Variants in ERICH3 observed in about 807,000 individuals in gnomAD.
ERICH3 encodes the protein glutamate-rich protein 3.
A neutral mutation model predicts 131.1 loss-of-function variants in ERICH3; 126 were observed. The observed-to-expected ratio is 0.96, with a 90% confidence interval of 0.83 to 1.11. The LOEUF is 1.11. Among genes scored for constraint, ERICH3 ranks in the 50% most tolerant of loss-of-function variants. The pLI, the probability that ERICH3 is intolerant of heterozygous loss-of-function variation, is 0.00. For synonymous variants in ERICH3, 695 were observed against 644.6 expected, an observed-to-expected ratio of 1.08 and a Z score of -1.18; for missense variants, 2,050 against 1,810.7, an observed-to-expected ratio of 1.13 and a Z score of -2.40.
chr1:74,671,844 T>C (rs1395624028), intron 1 of ERICH3, among the ~76,000 whole-genome samples: 1 of 152,254 alleles, frequency 6.6e-6, no homozygotes. Flanking sequence ...TATTTTGTTC[T>C]GAACACTGTC....
intron 1 of ERICH3, among the ~76,000 whole-genome samples, chr1:74,662,231 C>T (rs1179242888): frequency 2.6e-5 from 4 of 152,162 alleles, no homozygotes; most frequent in Admixed American, 1.3e-4. Context: ...TCTCAATATT[C>T]GTCTTCACAC....
intron 12 of ERICH3, chr1:74,578,169 A>G (rs901511668): frequency 6.6e-6 from 1 of 152,608 alleles, no homozygotes; most frequent in African/African-American, 2.4e-5. Flanking sequence ...TCTGTCTGTC[A>G]AAAAGAGTTA....
intron 5 of ERICH3, among the ~76,000 whole-genome samples, chr1:74,637,889 C>CA (rs760313493): frequency 6.6e-6 from 1 of 151,384 alleles, no homozygotes; most frequent in Non-Finnish European, 1.5e-5. Context: ...TCAGCCTGGG[C>CA]CACAGAGTGG....
intron 1 of ERICH3, among the ~76,000 whole-genome samples, chr1:74,669,318 T>G (rs1213212700): frequency 1.3e-5 from 2 of 152,162 alleles, no homozygotes; most frequent in Admixed American, 1.3e-4. Context: ...ATTTTTTTTC[T>G]TGTCATGAGC....
chr1:74,652,521 T>C (rs1300683799), intron 1 of ERICH3, among the ~76,000 whole-genome samples: 1 of 151,922 alleles, frequency 6.6e-6, no homozygotes, highest in Admixed American at 6.6e-5. Flanking sequence ...CGTTCAGTGC[T>C]ACTTACTCCC....
At chr1:74,660,663 C>A (rs1011271975) in intron 1 of ERICH3, among the ~76,000 whole-genome samples, 1 of 146,640 alleles carries the variant, frequency 6.8e-6, no homozygotes, top group African/African-American at 2.5e-5. Flanking sequence ...TATGTGTATA[C>A]AAGTGTATAT....
chr1:74,673,937 C>A (rs1372109369), upstream of ERICH3, among the ~76,000 whole-genome samples: 1 of 152,186 alleles, frequency 6.6e-6, no homozygotes, highest in East Asian at 1.9e-4. Flanking sequence ...AACACAAACA[C>A]ACTCGTGCAC....
At chr1:74,654,353 T>C (rs928129447) in intron 1 of ERICH3, among the ~76,000 whole-genome samples, 6 of 150,094 alleles carry the variant, frequency 4.0e-5, no homozygotes, top group Admixed American at 3.9e-4. Context: ...CTGTAGGATA[T>C]GTGTATATAT....
rs1648034830 is a variant in ERICH3, at chr1:74,599,761, C to A, written c.1660G>T (p.Ala554Ser). Residue 554 changes from alanine to serine, a missense_variant, in exon 11 of 15, where the codon GCC (alanine) becomes TCC (serine). Physicochemically the swap from Ala to Ser is moderately conservative, Grantham distance 99. Coordinates refer to ENST00000326665, the MANE Select transcript of ERICH3 (RefSeq NM_001002912.5). ...TTCTCATCTTTCACATTGTCACGGG[C>A]ATCTGGTGCCTTCTGTGATGAGGTT... ...SETSSQKAPD[A>S]RDNVKDENDG... 1 of 1,612,302 alleles carries A rather than the reference C, an allele frequency of 6.2e-7. No homozygotes were observed. The highest frequency in any genetic ancestry group is 8.5e-7 in the Non-Finnish European group (1 of 1,179,000).
intron 1 of ERICH3, among the ~76,000 whole-genome samples, chr1:74,664,015 T>C (rs1212578778): frequency 6.6e-6 from 1 of 152,070 alleles, no homozygotes; most frequent in Non-Finnish European, 1.5e-5. Flanking sequence ...GTTTGCAATT[T>C]ACATGGGAGA....
intron 1 of ERICH3, among the ~76,000 whole-genome samples, chr1:74,669,942 A>G (rs1462282142): frequency 6.6e-6 from 1 of 152,208 alleles, no homozygotes; most frequent in African/African-American, 2.4e-5. Flanking sequence ...AACAAGTACA[A>G]ACTGCTTCAG....
At chr1:74,650,552 A>G (rs1646523746) in intron 1 of ERICH3, among the ~76,000 whole-genome samples, 3 of 152,010 alleles carry the variant, frequency 2.0e-5, no homozygotes, top group South Asian at 2.1e-4. Flanking sequence ...ACCAAATCCT[A>G]TGTATACTAG....
At position 74,636,428 on chromosome 1, in the gene ERICH3, C is replaced by G. The variant is rs373298204; in HGVS notation, c.455G>C (p.Arg152Pro). Residue 152 changes from arginine (R) to proline (P), a missense_variant, in exon 6 of 15, where the codon CGA becomes CCA. Coordinates refer to ENST00000326665, the MANE Select transcript of ERICH3 (RefSeq NM_001002912.5). The part of the protein sequence containing the change: ...HSSPLALTAP[R>P]PYTAPGNMQP... Reference sequence around the variant, plus strand: ...CATATTTCCTGGAGCAGTATATGGTCGAGGGGCTGTCTAGACAATTAGGGG... The same window carrying G: ...CATATTTCCTGGAGCAGTATATGGTGGAGGGGCTGTCTAGACAATTAGGGG... 2 of 1,605,978 alleles carry G rather than the reference C, an allele frequency of 1.2e-6. No individual in the cohort carries two copies. Among genetic ancestry groups the G allele is most frequent in the Non-Finnish European group, 1.7e-6 (2 of 1,175,670 alleles).
chr1:74,589,873 T>G lies in ERICH3; in HGVS notation c.1934A>C (p.Glu645Ala), dbSNP rs1472888326. The change falls in exon 12 of 15, where the codon GAA (glutamate) becomes GCA (alanine). Residue 645 changes from glutamate to alanine, a missense_variant. Transcript: ENST00000326665. Reference protein sequence around the residue: ...PIEESLEIEIEDQEITKADVE... With the variant: ...PIEESLEIEIADQEITKADVE... ...ATCTGCTTTTGTTATTTCTTGGTCT[T>G]CAATTTCAATTTCTAAGGATTCCTC... The G allele has an allele frequency of 1.2e-6, 2 of 1,613,994 alleles. No individual in the cohort carries two copies. Among genetic ancestry groups the G allele is most frequent in the South Asian group, 1.1e-5 (1 of 91,092 alleles).
chr1:74,664,012 A>G (rs1646666365), intron 1 of ERICH3, among the ~76,000 whole-genome samples: 1 of 152,238 alleles, frequency 6.6e-6, no homozygotes, highest in South Asian at 2.1e-4. Context: ...GGAGTTTGCA[A>G]TTTACATGGG....
At chr1:74,595,276 C>A (rs1280972362) in intron 11 of ERICH3, among the ~76,000 whole-genome samples, 1 of 151,994 alleles carries the variant, frequency 6.6e-6, no homozygotes, top group Non-Finnish European at 1.5e-5. Context: ...GCTTTATACT[C>A]AATAAATGTT....
At position 74,571,996 on chromosome 1, in the gene ERICH3, G is replaced by A. The variant is rs1646958271; in HGVS notation, c.3714C>T (p.Gly1238=). ...QAPEGLIPAT[G]QAEELAAKDH... is the part of the protein sequence containing the mutation. The stretch of plus-strand genomic sequence containing the variant: ...CTTTGGCTGCTAGCTCCTCTGCCTG[G>A]CCTGTGGCTGGGATCAGCCCCTCAG... The change falls in exon 14 of 15, where the codon GGC becomes GGT. Residue 1238 remains glycine, a synonymous_variant. Transcript: ENST00000326665. 11 of 1,613,986 alleles carry A rather than the reference G, an allele frequency of 6.8e-6. No individual in the cohort carries two copies. The East Asian group carries it at 2.2e-4, about 33-fold the overall frequency.
At chr1:74,570,937 C>T (rs988186926) in intron 14 of ERICH3, among the ~76,000 whole-genome samples, 162 bp downstream of exon 14, 6 of 152,078 alleles carry the variant, frequency 3.9e-5, no homozygotes, top group Non-Finnish European at 8.8e-5. Flanking sequence ...TCCGTCTTTC[C>T]CAGCCCCTTT....
chr1:74,592,525 A>G (rs920644444), intron 11 of ERICH3, among the ~76,000 whole-genome samples: 7 of 152,174 alleles, frequency 4.6e-5, no homozygotes, highest in African/African-American at 1.7e-4. Flanking sequence ...TATATCTACC[A>G]TCTGAATATG....
Sources: allele counts gnomAD v4.1 joint callset (sites outside exome capture counted in the v4.1 genomes callset), GRCh38; gene constraint gnomAD v4.1.1; transcripts MANE v1.5; gene names NCBI Gene and HGNC (gene_info 2026-07-23, HGNC 2026-07-21).